Variants in CTNNA3 observed in about 807,000 individuals in gnomAD.
CTNNA3 encodes the protein catenin alpha 3, also known as catenin alpha-3.
A neutral mutation model predicts 95.7 loss-of-function variants in CTNNA3; 76 were observed. That is an observed-to-expected ratio of 0.79 (90% CI 0.66 to 0.96). The LOEUF (loss-of-function observed/expected upper bound fraction) is 0.96, where lower values mean the gene tolerates loss of function less well. Among genes scored for constraint, CTNNA3 ranks in the 40% least tolerant of loss-of-function variants. CTNNA3 has a pLI of 0.00. For missense variants in CTNNA3, 1,191 were observed against 1,089.8 expected, an observed-to-expected ratio of 1.09 and a Z score of -1.31; for synonymous variants, 431 against 374.4, an observed-to-expected ratio of 1.15 and a Z score of -1.74.
chr10:67,318,860 T>C (rs976609582), intron 5 of CTNNA3, among the ~76,000 whole-genome samples: 1 of 152,212 alleles, frequency 6.6e-6, no homozygotes, highest in Admixed American at 6.5e-5. Flanking sequence ...ATCTAGCTGT[T>C]CACAAAAAAC....
chr10:67,742,842 T>C (rs1452034905), intron 1 of CTNNA3, among the ~76,000 whole-genome samples: 1 of 151,068 alleles, frequency 6.6e-6, no homozygotes, highest in Non-Finnish European at 1.5e-5. Context: ...CCCACAGAAA[T>C]ACAAACTACC....
chr10:66,136,712 G>GAGTAACACGACAC (rs71299295), intron 13 of CTNNA3, among the ~76,000 whole-genome samples: 2 of 151,910 alleles, frequency 1.3e-5, no homozygotes, highest in African/African-American at 4.8e-5. Flanking sequence ...GTTTAGAAGA[G>GAGTAACACGACAC]AGCATTGTGT....
Position 67,186,029 on chromosome 10 carries a change from A to C in CTNNA3, c.844-5509T>G, listed in dbSNP as rs1208725283. 1.3e-4 allele frequency among the ~76,000 whole-genome samples: 13 copies of C among 98,998 alleles called. No individual in the cohort carries two copies. In the East Asian group the frequency reaches 3.2e-3, roughly 24 times the overall value. 64.9% of individuals were successfully genotyped at this position (98,998 alleles called of 152,430 possible). ...CTACAGAGCAAGACTCCGTCTCACA[A>C]AAAAAAAAAAAAAAAAATTAAACCA... On this transcript the variant is annotated intron_variant, in intron 6 of 17. Transcript: ENST00000433211.
chr10:67,169,573 C>CCATG (rs908945288), intron 7 of CTNNA3, among the ~76,000 whole-genome samples: 1 of 152,114 alleles, frequency 6.6e-6, no homozygotes, highest in African/African-American at 2.4e-5. Context: ...AACTGGCCAG[C>CCATG]CATGCACAGA....
intron 13 of CTNNA3, among the ~76,000 whole-genome samples, chr10:66,104,108 A>G (rs1216944318): frequency 1.3e-5 from 2 of 152,188 alleles, no homozygotes; most frequent in Non-Finnish European, 2.9e-5. Flanking sequence ...TAAATAATTC[A>G]ACTTGAAATT....
At chr10:66,314,044 A>C (rs752027163) in intron 12 of CTNNA3, among the ~76,000 whole-genome samples, 2 of 152,162 alleles carry the variant, frequency 1.3e-5, no homozygotes, top group Non-Finnish European at 2.9e-5. Flanking sequence ...AGCAAAAATA[A>C]ATATACTCAT....
intron 2 of CTNNA3, among the ~76,000 whole-genome samples, chr10:67,631,769 T>C (rs964028895): frequency 2.6e-5 from 4 of 151,684 alleles, no homozygotes; most frequent in African/African-American, 9.7e-5. Context: ...GTGGTGTTTA[T>C]GCAATCGAAT....
At chr10:67,671,797 G>C (rs1840439855) in intron 1 of CTNNA3, among the ~76,000 whole-genome samples, 1 of 151,758 alleles carries the variant, frequency 6.6e-6, no homozygotes, top group Non-Finnish European at 1.5e-5. Flanking sequence ...CTTTGCTATT[G>C]TTAATAGTGC....
intron 1 of CTNNA3, among the ~76,000 whole-genome samples, chr10:67,704,906 A>G (rs1198650895): frequency 1.3e-5 from 2 of 152,334 alleles, no homozygotes; most frequent in African/African-American, 4.8e-5. Flanking sequence ...TCCAGAATCT[A>G]CAATGAACTC....
intron 16 of CTNNA3, among the ~76,000 whole-genome samples, chr10:65,986,297 C>T (rs1372517091): frequency 2.7e-4 from 35 of 128,670 alleles, no homozygotes; most frequent in African/African-American, 9.9e-4. Flanking sequence ...AATATATATA[C>T]AAAAAAAAGA....
chr10:67,332,720 T>C (rs1425062400), intron 5 of CTNNA3, among the ~76,000 whole-genome samples: 2 of 152,192 alleles, frequency 1.3e-5, no homozygotes, highest in Admixed American at 1.3e-4. Flanking sequence ...TTTTCCCTAA[T>C]TTCATATCCC....
intron 12 of CTNNA3, among the ~76,000 whole-genome samples, chr10:66,301,566 C>T (rs2091863958): frequency 6.6e-6 from 1 of 151,728 alleles, no homozygotes; most frequent in Non-Finnish European, 1.5e-5. Flanking sequence ...AAACCTGATT[C>T]AGCCTTCAAA....
At chr10:66,851,509 G>T (rs1055841164) in intron 7 of CTNNA3, among the ~76,000 whole-genome samples, 1 of 152,002 alleles carries the variant, frequency 6.6e-6, no homozygotes, top group Non-Finnish European at 1.5e-5. Flanking sequence ...TTGGATCAGG[G>T]GGGTGGTTTC....
intron 7 of CTNNA3, among the ~76,000 whole-genome samples, chr10:66,782,950 G>A (rs1440131768): frequency 3.3e-5 from 5 of 151,988 alleles, no homozygotes; most frequent in African/African-American, 1.2e-4. Flanking sequence ...CCTTAACTAG[G>A]ATGAATCACC....
At chr10:67,729,654 A>T (rs1235704341) in intron 1 of CTNNA3, among the ~76,000 whole-genome samples, 1 of 152,156 alleles carries the variant, frequency 6.6e-6, no homozygotes, top group Non-Finnish European at 1.5e-5. Flanking sequence ...GGTTATTTCC[A>T]GAGTTACTAA....
rs139641119 is a variant in CTNNA3, at chr10:67,455,374, C to T, written c.579+66468G>A. Among the ~76,000 whole-genome samples, 589 of 151,986 alleles carry T rather than the reference C, an allele frequency of 3.9e-3. 5 individuals are homozygous for T. Among genetic ancestry groups the T allele is most frequent in the African/African-American group, 0.013 (545 of 41,460 alleles). ...AATAAAATCCCAATTGTTGGGATAC[C>T]GAAGAATTCCAACTAGTTTACAGAT... On this transcript the variant is annotated intron_variant, in intron 5 of 17. Transcript: ENST00000433211.
chr10:67,613,857 G>T (rs927398618), intron 2 of CTNNA3, among the ~76,000 whole-genome samples: 14 of 152,156 alleles, frequency 9.2e-5, no homozygotes, highest in Non-Finnish European at 2.1e-4. Flanking sequence ...AGACCCAGGG[G>T]TGGAGTGGGG....
intron 5 of CTNNA3, among the ~76,000 whole-genome samples, chr10:67,388,504 G>A (rs1438402170): frequency 1.5e-5 from 2 of 133,298 alleles, no homozygotes; most frequent in African/African-American, 5.7e-5. Context: ...TTATCCAGGA[G>A]AACTTCCCCA....
intron 10 of CTNNA3, among the ~76,000 whole-genome samples, chr10:66,563,603 TG>T (rs1299038479): frequency 6.6e-6 from 1 of 152,028 alleles, no homozygotes; most frequent in Non-Finnish European, 1.5e-5. Flanking sequence ...CTGGGAACCA[TG>T]TTGGGCAAAC....
Sources: gnomAD v4.1 joint callset for allele counts (sites outside exome capture counted in the v4.1 genomes callset) on GRCh38, gnomAD v4.1.1 for gene constraint, MANE v1.5 for transcripts, NCBI Gene and HGNC (gene_info 2026-07-23, HGNC 2026-07-21) for gene names.